Variants in FHIT observed in about 807,000 individuals in gnomAD.
FHIT encodes the protein fragile histidine triad diadenosine triphosphatase, also known as bis(5'-adenosyl)-triphosphatase.
A neutral mutation model predicts 17.9 loss-of-function variants in FHIT; 19 were observed. That is an observed-to-expected ratio of 1.06 (90% CI 0.74 to 1.56). The LOEUF is 1.56. Ranked by LOEUF, FHIT falls within the 40% of genes most tolerant of loss-of-function variation. FHIT has a pLI of 0.00. For synonymous variants in FHIT, 81 were observed against 69.7 expected (o/e 1.16, Z -0.81); for missense variants, 248 against 189.2 (o/e 1.31, Z -1.82).
In FHIT at chr3:60,477,893, C is replaced by T. The variant is rs184527343; in HGVS notation, c.103+58967G>A. On this transcript the variant is annotated intron_variant, in intron 5 of 9. Transcript: ENST00000492590. ...ACACTTTTTCACCCTGTTCATAGTA[C>T]GAATGAAAGGTGAATTATCTTGGTC... Among the ~76,000 whole-genome samples the T allele has an allele frequency of 1.5e-4, 23 of 152,170 alleles. No individual in the cohort carries two copies. The East Asian group carries it at 1.5e-3, about 10-fold the overall frequency.
rs115060172 is a variant in FHIT, at chr3:60,577,742, C to G, written c.-17-40763G>C. Among the ~76,000 whole-genome samples, 412 of 152,170 alleles carry G rather than the reference C, an allele frequency of 2.7e-3. 4 individuals are homozygous for G. Among genetic ancestry groups the G allele is most frequent in the African/African-American group, 9.5e-3 (394 of 41,558 alleles). ...AATATATACAACCGTTCGGCTGCCT[C>G]AGGACATTTATGAAAATGAGATGCT... On this transcript the variant is annotated intron_variant, in intron 4 of 9. Transcript: ENST00000492590.
chr3:60,992,611 C>A (rs1308924946), intron 3 of FHIT, among the ~76,000 whole-genome samples: 1 of 152,152 alleles, frequency 6.6e-6, no homozygotes, highest in Non-Finnish European at 1.5e-5. Flanking sequence ...TGAAAAAGCT[C>A]GGCTTAGCAG....
chr3:60,049,207 A>T (rs1701773649), intron 5 of FHIT, among the ~76,000 whole-genome samples: 1 of 152,138 alleles, frequency 6.6e-6, no homozygotes, highest in African/African-American at 2.4e-5. Flanking sequence ...TTCACTACAA[A>T]TTATGTTCTT....
intron 5 of FHIT, among the ~76,000 whole-genome samples, chr3:60,397,838 C>A (rs1324286820): frequency 6.6e-6 from 1 of 152,136 alleles, no homozygotes; most frequent in East Asian, 1.9e-4. Context: ...TTACATATAC[C>A]TACCCTTTCC....
chr3:60,553,410 C>A, intron 4 of FHIT: 1 of 967,838 alleles, frequency 1.0e-6, no homozygotes, highest in Non-Finnish European at 1.2e-6. Flanking sequence ...CCGACGGAGA[C>A]CTTTTATGCA....
rs569696501 is a variant in FHIT, at chr3:60,354,033, G to A, written c.103+182827C>T. ...TTATGTAGTAGGATTTTTCTATCAC[G>A]ATGATGGGCTGGAGAATCCAAATGT... On this transcript the variant is annotated intron_variant, in intron 5 of 9. Transcript: ENST00000492590. Among the ~76,000 whole-genome samples, 17 of 152,146 alleles carry A rather than the reference G, an allele frequency of 1.1e-4. No individual in the cohort carries two copies. The South Asian group carries it at 2.7e-3, about 24-fold the overall frequency.
chr3:60,251,156 T>C (rs892091340), intron 5 of FHIT, among the ~76,000 whole-genome samples: 3 of 152,194 alleles, frequency 2.0e-5, no homozygotes, highest in African/African-American at 4.8e-5. Context: ...GCTATTCCAA[T>C]TGCATTTACC....
intron 4 of FHIT, among the ~76,000 whole-genome samples, chr3:60,634,564 G>A (rs62249149): frequency 3.3e-5 from 5 of 152,178 alleles, no homozygotes; most frequent in East Asian, 1.9e-4. Flanking sequence ...ATCAATAGAC[G>A]TTGGCCTTTT....
chr3:60,315,775 T>A (rs1212392047), intron 5 of FHIT, among the ~76,000 whole-genome samples: 1 of 152,180 alleles, frequency 6.6e-6, no homozygotes, highest in East Asian at 1.9e-4. Context: ...ATCTTCCTGG[T>A]GGACAAATGC....
Position 60,619,272 on chromosome 3 carries a change from A to G in FHIT, c.-17-82293T>C, listed in dbSNP as rs374690769. Among the ~76,000 whole-genome samples the G allele has an allele frequency of 9.3e-4, 141 of 152,324 alleles. 2 individuals carry two copies. The South Asian group carries it at 0.011, about 12-fold the overall frequency. On this transcript the variant is annotated intron_variant, in intron 4 of 9. Transcript: ENST00000492590. ...TTTAAATGTGCGCATAAAAAACTAA[A>G]TGTGAATAAAATGTAAATAAAGGAA...
At chr3:60,421,184 G>A (rs1421246050) in intron 5 of FHIT, among the ~76,000 whole-genome samples, 1 of 151,944 alleles carries the variant, frequency 6.6e-6, no homozygotes, top group East Asian at 1.9e-4. Flanking sequence ...ATCCATCTTT[G>A]CTTTATGGCT....
intron 5 of FHIT, among the ~76,000 whole-genome samples, chr3:60,072,822 T>C (rs1702838730): frequency 6.6e-6 from 1 of 152,222 alleles, no homozygotes; most frequent in Non-Finnish European, 1.5e-5. Context: ...ACTTTCTTAA[T>C]TATTCATTAT....
chr3:60,123,642 G>A (rs9846395), intron 5 of FHIT, among the ~76,000 whole-genome samples: 40,492 of 151,822 alleles, frequency 0.27, 6,139 homozygotes, highest in Non-Finnish European at 0.35. Context: ...TTCAAATGAT[G>A]AGTAGAGAAA....
intron 5 of FHIT, among the ~76,000 whole-genome samples, chr3:60,127,628 G>A (rs1017213375): frequency 6.6e-6 from 1 of 151,990 alleles, no homozygotes; most frequent in Non-Finnish European, 1.5e-5. Flanking sequence ...TGGAGAAAGG[G>A]TCTCACTCTG....
intron 5 of FHIT, among the ~76,000 whole-genome samples, chr3:60,521,737 C>T (rs2035375148): frequency 2.0e-5 from 3 of 152,156 alleles, no homozygotes; most frequent in South Asian, 2.1e-4. Context: ...TAAGTTTCCC[C>T]ATATGGGACT....
At chr3:60,007,015 C>T (rs931482540) in intron 7 of FHIT, among the ~76,000 whole-genome samples, 16 of 152,080 alleles carry the variant, frequency 1.1e-4, no homozygotes, top group African/African-American at 3.1e-4. Context: ...CTTCCCACTG[C>T]GTTAATACTA....
intron 5 of FHIT, among the ~76,000 whole-genome samples, chr3:60,185,938 T>C (rs992501329): frequency 6.6e-6 from 1 of 152,198 alleles, no homozygotes; most frequent in African/African-American, 2.4e-5. Flanking sequence ...ACGTTTTCCA[T>C]CTGCACATCT....
chr3:60,856,995 C>G (rs1306105277), intron 3 of FHIT, among the ~76,000 whole-genome samples: 1 of 152,126 alleles, frequency 6.6e-6, no homozygotes, highest in South Asian at 2.1e-4. Flanking sequence ...CTTGCCATAG[C>G]ACTCAGCTTC....
intron 1 of FHIT, among the ~76,000 whole-genome samples, chr3:61,222,869 T>C (rs1253742540): frequency 6.6e-6 from 1 of 152,174 alleles, no homozygotes; most frequent in Non-Finnish European, 1.5e-5. Context: ...GCGCTAGCAG[T>C]GGAATAGATT....
Sources: gnomAD v4.1 joint callset for allele counts (sites outside exome capture counted in the v4.1 genomes callset) on GRCh38, gnomAD v4.1.1 for gene constraint, MANE v1.5 for transcripts, NCBI Gene and HGNC (gene_info 2026-07-23, HGNC 2026-07-21) for gene names.